Variants in PRKG1 observed in about 807,000 individuals in gnomAD.
PRKG1 encodes the protein protein kinase cGMP-dependent 1.
A neutral mutation model predicts 88.1 loss-of-function variants in PRKG1; 35 were observed. The observed-to-expected ratio is 0.40, with a 90% CI of 0.30 to 0.53. PRKG1 has a LOEUF of 0.53. Ranked by LOEUF, PRKG1 falls within the 20% of genes least tolerant of loss-of-function variation. The pLI, the probability that PRKG1 is intolerant of heterozygous loss-of-function variation, is 0.59. For missense variants in PRKG1, 540 were observed against 839.8 expected, an observed-to-expected ratio of 0.64 and a Z score of 4.41; for synonymous variants, 303 against 292.5, an observed-to-expected ratio of 1.04 and a Z score of -0.37.
chr10:51,459,732 G>A (rs1457758492), intron 2 of PRKG1, among the ~76,000 whole-genome samples: 1 of 152,144 alleles, frequency 6.6e-6, no homozygotes, highest in Non-Finnish European at 1.5e-5. Context: ...TATGTGTGGA[G>A]AAAGGATGTT....
chr10:51,391,932 A>G (rs986894344), intron 2 of PRKG1, among the ~76,000 whole-genome samples: 2 of 152,200 alleles, frequency 1.3e-5, no homozygotes, highest in Non-Finnish European at 2.9e-5. Flanking sequence ...TTCCTTGCCC[A>G]TGAAAGTTAT....
chr10:51,933,731 T>C (rs965812005), intron 5 of PRKG1, among the ~76,000 whole-genome samples: 10 of 152,216 alleles, frequency 6.6e-5, no homozygotes, highest in African/African-American at 2.4e-4. Context: ...ATTGTGAGGA[T>C]TAAATAAAAT....
intron 5 of PRKG1, among the ~76,000 whole-genome samples, chr10:51,986,842 C>G (rs1844170645): frequency 6.6e-6 from 1 of 152,112 alleles, no homozygotes; most frequent in South Asian, 2.1e-4. Flanking sequence ...GGACATTCTT[C>G]CCATAGAAGG....
chr10:51,667,370 G>C (rs1840447579), intron 3 of PRKG1, among the ~76,000 whole-genome samples: 1 of 152,094 alleles, frequency 6.6e-6, no homozygotes, highest in Non-Finnish European at 1.5e-5. Context: ...ACTATTTTTA[G>C]ATACGTACAG....
chr10:51,434,534 G>A (rs1366417912), intron 2 of PRKG1, among the ~76,000 whole-genome samples: 1 of 152,094 alleles, frequency 6.6e-6, no homozygotes, highest in Non-Finnish European at 1.5e-5. Context: ...CAGAAAGCAA[G>A]GCAATTTTTA....
At chr10:51,036,848 G>A (rs773883512) in intron 1 of PRKG1, among the ~76,000 whole-genome samples, 1 of 152,136 alleles carries the variant, frequency 6.6e-6, no homozygotes, top group Non-Finnish European at 1.5e-5. Context: ...ATATGCCAGG[G>A]ATGTTTCTAA....
intron 3 of PRKG1, among the ~76,000 whole-genome samples, chr10:51,571,796 T>C (rs1470326517): frequency 6.6e-6 from 1 of 151,916 alleles, no homozygotes; most frequent in African/African-American, 2.4e-5. Flanking sequence ...ATTTTGAATT[T>C]CTACTAGTAC....
chr10:51,762,288 T>G (rs1838039531), intron 3 of PRKG1, among the ~76,000 whole-genome samples: 2 of 152,190 alleles, frequency 1.3e-5, no homozygotes. Flanking sequence ...GATCTGTGCA[T>G]TTCTGCTAGG....
intron 8 of PRKG1, among the ~76,000 whole-genome samples, chr10:52,159,062 A>G (rs1838206422): frequency 6.6e-6 from 1 of 151,566 alleles, no homozygotes; most frequent in Admixed American, 6.6e-5. Flanking sequence ...CAAAAAAATT[A>G]AAAGTAAAAG....
intron 3 of PRKG1, among the ~76,000 whole-genome samples, chr10:51,613,140 A>C (rs1212290390): frequency 6.6e-6 from 1 of 151,988 alleles, no homozygotes. Flanking sequence ...CTGTGAATCC[A>C]TCCAGTCCTG....
chr10:52,104,306 T>C (rs1253660475), intron 7 of PRKG1, among the ~76,000 whole-genome samples: 1 of 152,030 alleles, frequency 6.6e-6, no homozygotes, highest in Non-Finnish European at 1.5e-5. Flanking sequence ...ATTTTAATTG[T>C]TAGAGACTAT....
chr10:51,504,101 G>A (rs17541013), intron 3 of PRKG1, among the ~76,000 whole-genome samples: 36,667 of 152,060 alleles, frequency 0.24, 4,815 homozygotes, highest in Admixed American at 0.32. Context: ...GGATAAGAAA[G>A]AGGTGGCTCT....
At chr10:51,268,059 C>CAA (rs1839882264) in intron 2 of PRKG1, among the ~76,000 whole-genome samples, 1 of 152,016 alleles carries the variant, frequency 6.6e-6, no homozygotes, top group Non-Finnish European at 1.5e-5. Flanking sequence ...GCTGGGTGTC[C>CAA]AGGGGAGACA....
chr10:52,043,743 C>G (rs542464230), intron 5 of PRKG1, among the ~76,000 whole-genome samples: 8 of 151,338 alleles, frequency 5.3e-5, no homozygotes, highest in African/African-American at 1.7e-4. Flanking sequence ...TGCTAATTAC[C>G]CTGATTTGAA....
intron 3 of PRKG1, among the ~76,000 whole-genome samples, chr10:51,516,194 T>TGGAATGG (rs1446835911): frequency 2.0e-5 from 3 of 152,116 alleles, no homozygotes; most frequent in Non-Finnish European, 4.4e-5. Flanking sequence ...GCTGGAATGC[T>TGGAATGG]GGAATGGGGA....
At chr10:51,655,121 C>A (rs2132320521) in intron 3 of PRKG1, among the ~76,000 whole-genome samples, 1 of 152,224 alleles carries the variant, frequency 6.6e-6, no homozygotes, top group East Asian at 1.9e-4. Flanking sequence ...GGGCCACATG[C>A]CCAGTATCTA....
At chr10:51,327,291 G>A (rs211082) in intron 2 of PRKG1, among the ~76,000 whole-genome samples, 75,849 of 151,230 alleles carry the variant, frequency 0.5, 19,244 homozygotes, top group Middle Eastern at 0.56. Flanking sequence ...GTGGTGTGCA[G>A]TTGTAATCCC....
At chr10:51,678,266 A>T (rs573774468) in intron 3 of PRKG1, among the ~76,000 whole-genome samples, 1 of 152,276 alleles carries the variant, frequency 6.6e-6, no homozygotes, top group South Asian at 2.1e-4. Flanking sequence ...ATTGATTGGG[A>T]GGGTCTGGGT....
chr10:52,222,773 G>A (rs144847427), intron 9 of PRKG1, among the ~76,000 whole-genome samples: 9 of 152,250 alleles, frequency 5.9e-5, no homozygotes, highest in East Asian at 3.9e-4. Flanking sequence ...TTATGCAGTC[G>A]TTAGATAAAA....
Sources: allele counts gnomAD v4.1 joint callset (sites outside exome capture counted in the v4.1 genomes callset), GRCh38; gene constraint gnomAD v4.1.1; transcripts MANE v1.5; gene names NCBI Gene and HGNC (gene_info 2026-07-23, HGNC 2026-07-21).